The following STK32B variants were observed in gnomAD, a reference collection of about 807,000 sequenced individuals.
STK32B encodes the protein serine/threonine-protein kinase 32B.
In STK32B, 43 loss-of-function variants were observed where a neutral mutation model predicts 52.6. That is an observed-to-expected ratio of 0.82 (90% confidence interval 0.64 to 1.05). The LOEUF (loss-of-function observed/expected upper bound fraction) is 1.05. STK32B is among the 50% of genes least tolerant of loss of function. The probability of loss-of-function intolerance (pLI) is 0.00; values close to 1 mark genes in which losing one functional copy is unlikely to be tolerated. For missense variants in STK32B, 621 were observed against 534.6 expected, an observed-to-expected ratio of 1.16 and a Z score of -1.59; for synonymous variants, 238 against 204.3, an observed-to-expected ratio of 1.17 and a Z score of -1.41.
At chr4:5,062,810 T>A (rs1188143707) in intron 1 of STK32B, among the ~76,000 whole-genome samples, 1 of 151,894 alleles carries the variant, frequency 6.6e-6, no homozygotes, top group Non-Finnish European at 1.5e-5. Context: ...GCCTGGACAG[T>A]TTTTATTGTT....
At chr4:5,335,644 C>T (rs1732622049) in intron 4 of STK32B, among the ~76,000 whole-genome samples, 3 of 151,734 alleles carry the variant, frequency 2.0e-5, no homozygotes, top group Non-Finnish European at 4.4e-5. Flanking sequence ...CTACGCACTG[C>T]TTTGAATGTG....
intron 4 of STK32B, among the ~76,000 whole-genome samples, chr4:5,374,544 G>A (rs1236372923): frequency 6.6e-6 from 1 of 152,196 alleles, no homozygotes; most frequent in East Asian, 1.9e-4. Flanking sequence ...ACTCTGGAGG[G>A]AGGAAGTCCA....
rs1045115205 is a variant in STK32B, at chr4:5,394,678, T to A, written c.435-3529T>A. Among the ~76,000 whole-genome samples, 2 of 152,230 alleles carry A rather than the reference T, an allele frequency of 1.3e-5. No homozygotes were observed. The highest frequency in any genetic ancestry group is 4.8e-5 in the African/African-American group (2 of 41,460). ...CCATCACTGTGACTTATTTCAGCAC[T>A]TCTTCCACACTGCACTGGGACTGTG... is the stretch of plus-strand genomic sequence containing the variant. On this transcript the variant is annotated intron_variant, in intron 4 of 11. Transcript: ENST00000282908. This position sits in a 1 kb window ranked among gnomAD's most constrained non-coding sequence, Gnocchi z 4.2.
At chr4:5,269,088 G>C (rs114985518) in intron 3 of STK32B, among the ~76,000 whole-genome samples, 1,765 of 152,274 alleles carry the variant, frequency 0.012, 22 homozygotes, top group South Asian at 0.057. Context: ...AAGGCAGCTA[G>C]AGTTCATAGA....
chr4:5,197,419 T>A (rs1011009830), intron 3 of STK32B, among the ~76,000 whole-genome samples: 14 of 152,254 alleles, frequency 9.2e-5, no homozygotes, highest in Non-Finnish European at 1.5e-4. Flanking sequence ...TCAGGGAGCA[T>A]GTGCAGTGGG....
In STK32B at chr4:5,469,050, CA is replaced by C. The variant is rs34295862; in HGVS notation, c.1106+997del. On this transcript the variant is annotated intron_variant, in intron 11 of 11. Transcript: ENST00000282908. This position sits in a 1 kb window ranked among gnomAD's most constrained non-coding sequence, Gnocchi z 4.7. ...TGGGCGACAGAGCAAGACTCCGTCTCAAAAAAAAAAAAAAAAATTATCTAGG... is the reference window on the plus strand; with the variant it reads ...TGGGCGACAGAGCAAGACTCCGTCTCAAAAAAAAAAAAAAAATTATCTAGG... 8.9e-3 allele frequency among the ~76,000 whole-genome samples: 1,126 copies of C among 126,984 alleles called. 17 individuals carry two copies. The highest frequency in any genetic ancestry group is 0.027 in the African/African-American group (923 of 33,976). 83.3% of individuals were successfully genotyped at this position (126,984 alleles called of 152,430 possible).
At chr4:5,172,350 A>C (rs2108741976) in intron 3 of STK32B, among the ~76,000 whole-genome samples, 1 of 152,248 alleles carries the variant, frequency 6.6e-6, no homozygotes, top group South Asian at 2.1e-4. Flanking sequence ...ACTATGTTGA[A>C]TAGGAGTGGT....
chr4:5,153,344 T>C (rs1169084175), intron 2 of STK32B, among the ~76,000 whole-genome samples: 1 of 152,156 alleles, frequency 6.6e-6, no homozygotes, highest in Non-Finnish European at 1.5e-5. Flanking sequence ...CTCCCTTTTG[T>C]CTTCTGAGAA....
intron 4 of STK32B, among the ~76,000 whole-genome samples, chr4:5,384,909 G>A (rs1239688081): frequency 6.6e-6 from 1 of 152,038 alleles, no homozygotes; most frequent in Admixed American, 6.6e-5. Flanking sequence ...GAGATCCTAG[G>A]AGAAAGAGGA....
the STK32B span, among the ~76,000 whole-genome samples, chr4:5,022,983 CG>C: frequency 6.6e-6 from 1 of 151,288 alleles, no homozygotes; most frequent in Admixed American, 6.6e-5. Context: ...AGTGGGGAAG[CG>C]GGGTAGGTAT....
intron 3 of STK32B, among the ~76,000 whole-genome samples, chr4:5,264,978 A>C (rs1476354793): frequency 6.6e-6 from 1 of 152,094 alleles, no homozygotes; most frequent in Non-Finnish European, 1.5e-5. Context: ...CTTTATGTTC[A>C]TTGCTTCCTA....
At chr4:5,182,492 C>T (rs900124294) in intron 3 of STK32B, among the ~76,000 whole-genome samples, 7 of 151,608 alleles carry the variant, frequency 4.6e-5, no homozygotes, top group African/African-American at 1.5e-4. Flanking sequence ...GACAGAGTCT[C>T]GCACTGTTGC....
chr4:5,142,040 T>C (rs1716502632), intron 2 of STK32B, among the ~76,000 whole-genome samples: 1 of 152,176 alleles, frequency 6.6e-6, no homozygotes, highest in Admixed American at 6.5e-5. Flanking sequence ...ATCTTCCATC[T>C]TCAGCCTGTA....
chr4:5,089,291 G>A (rs1480963212), intron 1 of STK32B, among the ~76,000 whole-genome samples: 1 of 151,510 alleles, frequency 6.6e-6, no homozygotes, highest in East Asian at 1.9e-4. Flanking sequence ...CCTGTGCCAT[G>A]GTGGTTTGCT....
intron 4 of STK32B, among the ~76,000 whole-genome samples, chr4:5,367,346 G>A (rs1169705476): frequency 6.6e-6 from 1 of 152,180 alleles, no homozygotes; most frequent in Non-Finnish European, 1.5e-5. Context: ...CAGAACTGGA[G>A]CAAAAGGGTG....
chr4:5,352,815 G>C (rs929336036), intron 4 of STK32B, among the ~76,000 whole-genome samples: 1 of 151,970 alleles, frequency 6.6e-6, no homozygotes, highest in Non-Finnish European at 1.5e-5. Context: ...AGCTAATATT[G>C]TTAAAATGAC....
chr4:5,345,753 T>G (rs753876755), intron 4 of STK32B, among the ~76,000 whole-genome samples: 5 of 152,254 alleles, frequency 3.3e-5, no homozygotes, highest in Admixed American at 6.5e-5. Context: ...GGTAATCAAG[T>G]TCTTCAACAA....
the STK32B span, among the ~76,000 whole-genome samples, chr4:5,028,307 A>G: frequency 6.6e-5 from 10 of 152,156 alleles, no homozygotes; most frequent in African/African-American, 1.9e-4. Context: ...CACCACACCC[A>G]GCTAACTTAG....
intron 1 of STK32B, among the ~76,000 whole-genome samples, chr4:5,109,775 G>T (rs566534787): frequency 6.6e-6 from 1 of 152,256 alleles, no homozygotes; most frequent in Admixed American, 6.5e-5. Flanking sequence ...GAGCAATCAG[G>T]CAGGAGAGAG....
Sources: allele counts gnomAD v4.1 joint callset (sites outside exome capture counted in the v4.1 genomes callset), GRCh38; gene constraint gnomAD v4.1.1; non-coding constraint Gnocchi (gnomAD v3.1); transcripts MANE v1.5; gene names NCBI Gene and HGNC (gene_info 2026-07-23, HGNC 2026-07-21).